ATP9B: variants seen among roughly 807,000 people sequenced by gnomAD.
The protein encoded by ATP9B is probable phospholipid-transporting ATPase IIB.
Under a neutral mutation model 146.1 loss-of-function variants are expected in ATP9B, and 110 were observed. The ratio of observed to expected loss-of-function variants is 0.75; its 90% CI spans 0.65 to 0.88. The LOEUF (loss-of-function observed/expected upper bound fraction) is 0.88, where lower values mean the gene tolerates loss of function less well. Ranked by LOEUF, ATP9B falls within the 40% of genes least tolerant of loss-of-function variation. The probability of loss-of-function intolerance (pLI) is 0.00; values close to 1 mark genes in which losing one functional copy is unlikely to be tolerated. For synonymous variants in ATP9B, 604 were observed against 569.7 expected, an observed-to-expected ratio of 1.06 and a Z score of -0.86; for missense variants, 1,499 against 1,496.4, an observed-to-expected ratio of 1.00 and a Z score of -0.03.
intron 25 of ATP9B, among the ~76,000 whole-genome samples, chr18:79,357,108 T>G (rs1437669329): frequency 1.7e-5 from 1 of 59,318 alleles, no homozygotes; most frequent in Admixed American, 1.5e-4. Flanking sequence ...GGACCCTGTG[T>G]GAGGGATGCT....
intron 10 of ATP9B, among the ~76,000 whole-genome samples, chr18:79,211,007 T>C (rs2095579421): frequency 6.6e-6 from 1 of 152,206 alleles, no homozygotes. Context: ...TAAATAATTT[T>C]CTATGAATCA....
intron 11 of ATP9B, among the ~76,000 whole-genome samples, chr18:79,236,567 T>C (rs2095843084): frequency 6.6e-6 from 1 of 152,254 alleles, no homozygotes; most frequent in Admixed American, 6.5e-5. Context: ...TTCCTTTCTG[T>C]TACATTTCTA....
intron 11 of ATP9B, among the ~76,000 whole-genome samples, chr18:79,223,978 TTTA>T (rs2095705070): frequency 6.6e-6 from 1 of 152,158 alleles, no homozygotes; most frequent in African/African-American, 2.4e-5. Flanking sequence ...TGCAAGCATT[TTTA>T]TTATTGTAAT....
chr18:79,342,638 TA>T lies in ATP9B; in HGVS notation c.2382+273del, dbSNP rs1413410853. Among the ~76,000 whole-genome samples the T allele has an allele frequency of 2.6e-5, 4 of 152,080 alleles. No homozygotes were observed. In the East Asian group the frequency reaches 7.7e-4, roughly 29 times the overall value. On this transcript the variant is annotated intron_variant, in intron 20 of 29. Transcript: ENST00000426216. ...TAATTAAAAAGCATGTTAAAATAGA[TA>T]TTTTTAGCCACATACATTAATCATG...
intron 10 of ATP9B, among the ~76,000 whole-genome samples, chr18:79,210,605 T>C (rs1389262502): frequency 6.6e-6 from 1 of 152,202 alleles, no homozygotes; most frequent in Non-Finnish European, 1.5e-5. Context: ...TCTTCATCAG[T>C]TTTCCTGCAC....
chr18:79,352,356 G>A (rs138504853), intron 25 of ATP9B: 2,271 of 152,360 alleles, frequency 0.015, 34 homozygotes, highest in Middle Eastern at 0.054. Context: ...GGGGAGCCGT[G>A]TCCAGACCTG....
intron 2 of ATP9B, among the ~76,000 whole-genome samples, chr18:79,107,497 A>AGACCGAGGCCT (rs2075731121): frequency 6.6e-6 from 1 of 152,068 alleles, no homozygotes; most frequent in African/African-American, 2.4e-5. Flanking sequence ...AGGAGAGTGA[A>AGACCGAGGCCT]GACCGAGGCC....
chr18:79,360,363 T>C (rs1568821068), intron 26 of ATP9B: 1 of 152,242 alleles, frequency 6.6e-6, no homozygotes, highest in Non-Finnish European at 1.5e-5. Flanking sequence ...AAGAAAGAAT[T>C]AGATTAGGCA....
rs978800641 is a variant in ATP9B, at chr18:79,375,682, CA to C, written c.3307+257del. ...GCATCCTGCCATCTGCTGAGGATTGCATGAGCCCCTAAAACATATTTGCCTT... is the reference window on the plus strand; with the variant it reads ...GCATCCTGCCATCTGCTGAGGATTGCTGAGCCCCTAAAACATATTTGCCTT... On this transcript the variant is annotated intron_variant, in intron 29 of 29. Transcript: ENST00000426216. 7.1e-6 allele frequency: 7 copies of C among 985,266 alleles called. No homozygotes were observed. The African/African-American group carries it at 1.2e-4, about 17-fold the overall frequency. The allele number at this position is 985,266 out of a possible 1,614,324, so 61.0% of individuals were successfully genotyped here.
intron 2 of ATP9B, among the ~76,000 whole-genome samples, chr18:79,105,662 G>T (rs1472220174): frequency 2.0e-5 from 3 of 152,142 alleles, no homozygotes; most frequent in African/African-American, 7.2e-5. Context: ...TCTGATCTGG[G>T]TTAATGTCTT....
At chr18:79,251,181 T>C (rs2096019140) in intron 11 of ATP9B, among the ~76,000 whole-genome samples, 1 of 152,222 alleles carries the variant, frequency 6.6e-6, no homozygotes, top group Non-Finnish European at 1.5e-5. Context: ...AAGTGAGCCC[T>C]GTGGCAGTGT....
intron 5 of ATP9B, among the ~76,000 whole-genome samples, chr18:79,135,878 T>C (rs1473303370): frequency 1.3e-5 from 2 of 152,212 alleles, no homozygotes; most frequent in African/African-American, 4.8e-5. Flanking sequence ...TCGTTGTCAG[T>C]ACTGTTTTTT....
chr18:79,231,038 C>G (rs2095786536), intron 11 of ATP9B, among the ~76,000 whole-genome samples: 2 of 152,176 alleles, frequency 1.3e-5, no homozygotes, highest in Admixed American at 1.3e-4. Flanking sequence ...AGACCTGAAA[C>G]CATACAAATT....
chr18:79,245,994 T>A (rs1305601632), intron 11 of ATP9B, among the ~76,000 whole-genome samples: 260 of 96,498 alleles, frequency 2.7e-3, no homozygotes, highest in South Asian at 4.1e-3. Flanking sequence ...CGCCCTACTG[T>A]CTGTGCGGAG....
rs1288424657 is a variant in ATP9B at position 79,154,538 on chromosome 18, G to A, written c.761G>A (p.Arg254Lys). Residue 254 changes from arginine (R) to lysine (K), a missense_variant, in exon 7 of 30, where the codon AGG becomes AAG. Coordinates refer to ENST00000426216, the MANE Select transcript of ATP9B (RefSeq NM_198531.5). ...ATTCCATCGGACATGGTGTTTCTTAGGACTTCAGAAAAAGCAGGTATTTTT... is the reference window on the plus strand; with the variant it reads ...ATTCCATCGGACATGGTGTTTCTTAAGACTTCAGAAAAAGCAGGTATTTTT... The part of the protein sequence containing the change: ...QRIPSDMVFL[R>K]TSEKAGSCFI... The A allele has an allele frequency of 3.3e-6, 5 of 1,530,406 alleles. No homozygotes were observed. Among genetic ancestry groups the A allele is most frequent in the Non-Finnish European group, 4.4e-6 (5 of 1,146,692 alleles). The allele number at this position is 1,530,406 out of a possible 1,614,324, so 94.8% of individuals were successfully genotyped here.
intron 7 of ATP9B, among the ~76,000 whole-genome samples, chr18:79,164,017 C>G (rs1257571865): frequency 6.6e-6 from 1 of 152,014 alleles, no homozygotes; most frequent in East Asian, 1.9e-4. Context: ...CTCCTGGGCT[C>G]AAGTGATCCT....
chr18:79,284,986 T>A (rs1354153303), intron 13 of ATP9B, among the ~76,000 whole-genome samples: 1 of 152,184 alleles, frequency 6.6e-6, no homozygotes, highest in African/African-American at 2.4e-5. Flanking sequence ...TTCCATGCTG[T>A]ATATGTGCCA....
At chr18:79,112,315 T>C (rs537232702) in intron 3 of ATP9B, among the ~76,000 whole-genome samples, 180 of 152,350 alleles carry the variant, frequency 1.2e-3, no homozygotes, top group African/African-American at 3.9e-3. Context: ...TGAATTATTC[T>C]CATCTGTAAA....
In ATP9B at chr18:79,337,330, G is replaced by T; in HGVS notation, c.2164G>T (p.Ala722Ser). ...LSMHDRSLKV[A>S]AVVESLEREM... ...CATGCACGACAGGTCCCTCAAGGTG[G>T]CCGCGGTAGTCGAGAGCCTGGAGAG... The change falls in exon 19 of 30, where the codon GCC (alanine) becomes TCC (serine). Residue 722 changes from alanine (A) to serine (S), a missense_variant. Coordinates refer to ENST00000426216, the MANE Select transcript of ATP9B (RefSeq NM_198531.5). 1 of 1,614,094 alleles carries T rather than the reference G, an allele frequency of 6.2e-7. No homozygotes were observed. The highest frequency in any genetic ancestry group is 1.6e-4 in the Middle Eastern group (1 of 6,062).
Sources: allele counts gnomAD v4.1 joint callset (sites outside exome capture counted in the v4.1 genomes callset), GRCh38; gene constraint gnomAD v4.1.1; transcripts MANE v1.5; gene names NCBI Gene and HGNC (gene_info 2026-07-23, HGNC 2026-07-21).